The following NRG3 variants were observed in gnomAD, a reference collection of about 807,000 sequenced individuals.
NRG3 encodes neuregulin 3, also known as pro-neuregulin-3, membrane-bound isoform.
Under a neutral mutation model 66.9 loss-of-function variants are expected in NRG3, and 31 were observed. The observed-to-expected ratio is 0.46, with a 90% CI of 0.35 to 0.63. NRG3 has a LOEUF of 0.63. NRG3 is among the 20% of genes least tolerant of loss of function. The pLI is 0.00. For missense variants in NRG3, 910 were observed against 878.9 expected, an observed-to-expected ratio of 1.04 and a Z score of -0.45; for synonymous variants, 393 against 359.4, an observed-to-expected ratio of 1.09 and a Z score of -1.06.
At chr10:82,570,420 A>G (rs1244990087) in intron 2 of NRG3, among the ~76,000 whole-genome samples, 1 of 151,470 alleles carries the variant, frequency 6.6e-6, no homozygotes, top group Non-Finnish European at 1.5e-5. Flanking sequence ...CTCATTGGAG[A>G]CTTTGAGTTT....
chr10:82,420,455 AT>A (rs1231832827), intron 2 of NRG3, among the ~76,000 whole-genome samples: 1 of 152,146 alleles, frequency 6.6e-6, no homozygotes, highest in Non-Finnish European at 1.5e-5. Flanking sequence ...ACAGAGCTGG[AT>A]TTATCTAATA....
intron 2 of NRG3, among the ~76,000 whole-genome samples, chr10:82,400,253 C>T (rs376463738): frequency 3.9e-4 from 60 of 152,176 alleles, no homozygotes; most frequent in African/African-American, 1.3e-3. Flanking sequence ...CCACACACCA[C>T]GCAGAAGGAC....
intron 1 of NRG3, among the ~76,000 whole-genome samples, chr10:82,113,545 A>T (rs2067516351): frequency 6.6e-6 from 1 of 152,200 alleles, no homozygotes; most frequent in African/African-American, 2.4e-5. Flanking sequence ...TGAGAGACTG[A>T]GGAAATGACA....
intron 3 of NRG3, among the ~76,000 whole-genome samples, chr10:82,757,345 A>G (rs2059121730): frequency 6.6e-6 from 1 of 152,102 alleles, no homozygotes; most frequent in South Asian, 2.1e-4. Context: ...GATTGAAAAT[A>G]AATATGGAAA....
intron 1 of NRG3, among the ~76,000 whole-genome samples, chr10:81,911,889 G>A (rs987429732): frequency 3.3e-5 from 5 of 151,818 alleles, no homozygotes; most frequent in African/African-American, 4.8e-5. Flanking sequence ...GTAAAAGAAT[G>A]TTTTCTTACA....
At position 82,023,743 on chromosome 10, in the gene NRG3, A is replaced by T. The variant is rs2062165135; in HGVS notation, c.823+147580A>T. Among the ~76,000 whole-genome samples the T allele has an allele frequency of 3.3e-5, 5 of 152,062 alleles. No homozygotes were observed. The South Asian group carries it at 1.0e-3, about 32-fold the overall frequency. ...GTCAATTTTTTTAACGTGTTATTGA[A>T]CTTGCATGATGGAATTTTGTTGAGG... is the stretch of plus-strand genomic sequence containing the variant. On this transcript the variant is annotated intron_variant, in intron 1 of 8. Transcript: ENST00000372141.
At chr10:82,341,916 G>A (rs2082707578) in intron 1 of NRG3, among the ~76,000 whole-genome samples, 1 of 151,876 alleles carries the variant, frequency 6.6e-6, no homozygotes, top group Admixed American at 6.6e-5. Context: ...GTTGCCTCCA[G>A]TTCCTGTTCT....
At chr10:82,909,780 AC>A (rs1845140873) in intron 4 of NRG3, among the ~76,000 whole-genome samples, 1 of 152,234 alleles carries the variant, frequency 6.6e-6, no homozygotes, top group Non-Finnish European at 1.5e-5. Flanking sequence ...TCTATGAGTA[AC>A]AGTGATAAGA....
At chr10:82,771,383 A>G (rs989589323) in intron 3 of NRG3, among the ~76,000 whole-genome samples, 2 of 152,148 alleles carry the variant, frequency 1.3e-5, no homozygotes, top group African/African-American at 2.4e-5. Flanking sequence ...TTATTCTATA[A>G]CCACCTATGT....
At chr10:82,125,702 G>C (rs952529399) in intron 1 of NRG3, among the ~76,000 whole-genome samples, 1 of 151,960 alleles carries the variant, frequency 6.6e-6, no homozygotes, top group East Asian at 1.9e-4. Context: ...AGGTATGTCT[G>C]TGTGGCTGAG....
chr10:82,199,838 G>A (rs772964494), intron 1 of NRG3, among the ~76,000 whole-genome samples: 2 of 150,790 alleles, frequency 1.3e-5, no homozygotes, highest in Admixed American at 6.6e-5. Flanking sequence ...ACAGTTTAAC[G>A]TCTGATGCCC....
chr10:82,295,516 T>C (rs944986195), intron 1 of NRG3, among the ~76,000 whole-genome samples: 9 of 152,142 alleles, frequency 5.9e-5, no homozygotes, highest in Admixed American at 5.2e-4. Flanking sequence ...ACATTCACTA[T>C]TAGAATCTGA....
chr10:81,878,252 A>G (rs1267339777), intron 1 of NRG3, among the ~76,000 whole-genome samples: 1 of 152,212 alleles, frequency 6.6e-6, no homozygotes, highest in Non-Finnish European at 1.5e-5. Flanking sequence ...ACATATAAGC[A>G]GTATTTGTTG....
intron 4 of NRG3, among the ~76,000 whole-genome samples, chr10:82,897,963 C>T (rs924457601): frequency 1.3e-5 from 2 of 152,038 alleles, no homozygotes; most frequent in Non-Finnish European, 2.9e-5. Context: ...TTAGCACTTA[C>T]TATAAGGAGG....
At chr10:82,312,235 G>A (rs1481646483) in intron 1 of NRG3, among the ~76,000 whole-genome samples, 1 of 152,164 alleles carries the variant, frequency 6.6e-6, no homozygotes, top group African/African-American at 2.4e-5. Flanking sequence ...AGAATTAGAG[G>A]GAAGGCTTGA....
chr10:82,485,888 T>C (rs10748996), intron 2 of NRG3, among the ~76,000 whole-genome samples: 143,472 of 152,128 alleles, frequency 0.94, 67,746 homozygotes, highest in African/African-American at 0.99. Flanking sequence ...AAATATTAAC[T>C]GCTCTATATC....
At chr10:82,242,659 A>G (rs954884888) in intron 1 of NRG3, among the ~76,000 whole-genome samples, 1 of 152,190 alleles carries the variant, frequency 6.6e-6, no homozygotes, top group Non-Finnish European at 1.5e-5. Context: ...CTTGTATTGT[A>G]GAAGAAGACT....
intron 2 of NRG3, among the ~76,000 whole-genome samples, chr10:82,633,677 G>A (rs980975485): frequency 3.9e-5 from 6 of 152,148 alleles, no homozygotes; most frequent in Non-Finnish European, 7.4e-5. Flanking sequence ...CTTTCTACCA[G>A]CTTATTTAAA....
chr10:82,211,753 G>A (rs2075404751), intron 1 of NRG3, among the ~76,000 whole-genome samples: 1 of 152,202 alleles, frequency 6.6e-6, no homozygotes, highest in African/African-American at 2.4e-5. Context: ...AGTTGAGTGT[G>A]TAGAGCCTTC....
Sources: gnomAD v4.1 joint callset for allele counts (sites outside exome capture counted in the v4.1 genomes callset) on GRCh38, gnomAD v4.1.1 for gene constraint, MANE v1.5 for transcripts, NCBI Gene and HGNC (gene_info 2026-07-23, HGNC 2026-07-21) for gene names.